The following IRAK1BP1 variants were observed in gnomAD, a reference collection of about 807,000 sequenced individuals.
The protein encoded by IRAK1BP1 is interleukin-1 receptor-associated kinase 1-binding protein 1.
In IRAK1BP1, 24 loss-of-function variants were observed where a neutral mutation model predicts 28.0. The observed-to-expected ratio is 0.86, with a 90% CI of 0.62 to 1.20. The LOEUF is 1.20. Ranked by LOEUF, IRAK1BP1 falls within the 50% of genes most tolerant of loss-of-function variation. The probability of loss-of-function intolerance (pLI) is 0.00; values close to 1 mark genes in which losing one functional copy is unlikely to be tolerated. For synonymous variants in IRAK1BP1, 131 were observed against 116.3 expected (o/e 1.13, Z -0.81); for missense variants, 336 against 316.7 (o/e 1.06, Z -0.46).
downstream of IRAK1BP1, chr6:78,946,689 G>A (rs1454020971): frequency 2.0e-6 from 3 of 1,525,536 alleles, no homozygotes; most frequent in Non-Finnish European, 2.6e-6. Context: ...TCAGCTAGTG[G>A]TATTTAAAAG....
At chr6:78,873,480 T>C (rs1770871352) in intron 1 of IRAK1BP1, among the ~76,000 whole-genome samples, 1 of 151,920 alleles carries the variant, frequency 6.6e-6, no homozygotes, top group Non-Finnish European at 1.5e-5. Context: ...TAAAGCTATA[T>C]AACTTTTTTT....
chr6:78,877,722 G>A (rs556175936), intron 1 of IRAK1BP1, among the ~76,000 whole-genome samples: 16 of 152,190 alleles, frequency 1.1e-4, no homozygotes, highest in African/African-American at 3.1e-4. Context: ...GCAAGGGGTC[G>A]GGGAATTCCC....
chr6:78,932,308 TG>T (rs1773069769), intron 4 of IRAK1BP1, among the ~76,000 whole-genome samples: 1 of 152,128 alleles, frequency 6.6e-6, no homozygotes, highest in Admixed American at 6.6e-5. Flanking sequence ...ACGTTCTTAA[TG>T]GCATCTAGAA....
chr6:78,906,056 C>T (rs1772253639), downstream of IRAK1BP1, among the ~76,000 whole-genome samples: 1 of 152,006 alleles, frequency 6.6e-6, no homozygotes. Flanking sequence ...GCTACACTTC[C>T]AAGAAACATT....
At chr6:78,970,654 G>A in the IRAK1BP1 span, 1 of 638,554 alleles carries the variant, frequency 1.6e-6, no homozygotes, top group East Asian at 2.8e-5. Flanking sequence ...CTCTAGGACT[G>A]CTTCAATTAA....
intron 4 of IRAK1BP1, among the ~76,000 whole-genome samples, chr6:78,931,866 C>A (rs573985413): frequency 1.3e-5 from 2 of 152,142 alleles, no homozygotes; most frequent in African/African-American, 4.8e-5. Flanking sequence ...TTGGACTCTT[C>A]CTTTCGCAAA....
At chr6:78,879,804 T>G (rs1771155889) in intron 1 of IRAK1BP1, among the ~76,000 whole-genome samples, 1 of 152,022 alleles carries the variant, frequency 6.6e-6, no homozygotes. Flanking sequence ...GCAGGGGCAG[T>G]TGACCTACAT....
the IRAK1BP1 span, among the ~76,000 whole-genome samples, chr6:78,966,231 A>T: frequency 6.4e-4 from 97 of 152,350 alleles, 1 homozygote; most frequent in South Asian, 8.1e-3. Context: ...AGAAAAAAGG[A>T]ATTTAGTAAG....
chr6:78,872,092 A>G, intron 1 of IRAK1BP1: 1 of 700,662 alleles, frequency 1.4e-6, no homozygotes, highest in South Asian at 1.5e-5. Context: ...ATGAATGGAA[A>G]GAGACCCCAG....
At chr6:78,970,282 G>C in the IRAK1BP1 span, 17 of 839,538 alleles carry the variant, frequency 2.0e-5, no homozygotes, top group Non-Finnish European at 3.0e-5. Context: ...GATCTGGATG[G>C]TGATGACTGT....
In IRAK1BP1 at chr6:78,897,816, A is replaced by T; in HGVS notation, c.382-13A>T. On this transcript the variant is annotated splice_polypyrimidine_tract_variant and intron_variant, in intron 2 of 3. Transcript: ENST00000369940. ...TCAGACATGAAAATAATATCGTGTC[A>T]TTTCATTTACAGGTCTGCATTACAT... The T allele has an allele frequency of 6.2e-7, 1 of 1,607,746 alleles. No individual in the cohort carries two copies. Among genetic ancestry groups the T allele is most frequent in the Non-Finnish European group, 8.5e-7 (1 of 1,176,534 alleles).
At chr6:78,923,908 C>T (rs1305088134) in intron 4 of IRAK1BP1, among the ~76,000 whole-genome samples, 3 of 152,146 alleles carry the variant, frequency 2.0e-5, no homozygotes, top group Non-Finnish European at 2.9e-5. Flanking sequence ...CTCTGGGGCA[C>T]ATTCAAAGCA....
At chr6:78,928,253 G>T (rs1234023848) in intron 4 of IRAK1BP1, among the ~76,000 whole-genome samples, 1 of 151,820 alleles carries the variant, frequency 6.6e-6, no homozygotes, top group Non-Finnish European at 1.5e-5. Context: ...CAATTCCTAG[G>T]TATTTAATTT....
intron 4 of IRAK1BP1, among the ~76,000 whole-genome samples, chr6:78,944,433 A>T (rs911410637): frequency 6.6e-6 from 1 of 152,226 alleles, no homozygotes; most frequent in Non-Finnish European, 1.5e-5. Flanking sequence ...CAGGAAGACC[A>T]GTTAGGAAAC....
chr6:78,910,523 G>A (rs1772376274), intron 4 of IRAK1BP1, among the ~76,000 whole-genome samples: 3 of 152,232 alleles, frequency 2.0e-5, no homozygotes, highest in East Asian at 3.8e-4. Context: ...ACTGTTTGAC[G>A]AATTATACAA....
the IRAK1BP1 span, among the ~76,000 whole-genome samples, chr6:78,970,411 G>A: frequency 6.6e-6 from 1 of 152,062 alleles, no homozygotes; most frequent in African/African-American, 2.4e-5. Context: ...CTTTACTAAA[G>A]TATAGTTACT....
downstream of IRAK1BP1, among the ~76,000 whole-genome samples, chr6:78,903,339 A>C (rs1421581084): frequency 6.6e-6 from 1 of 152,022 alleles, no homozygotes; most frequent in Non-Finnish European, 1.5e-5. Context: ...AAAAAAAAAA[A>C]AATTAGCTGG....
At chr6:78,874,442 C>CT (rs1356447220) in intron 1 of IRAK1BP1, among the ~76,000 whole-genome samples, 2 of 152,152 alleles carry the variant, frequency 1.3e-5, no homozygotes, top group Non-Finnish European at 2.9e-5. Flanking sequence ...TATTTGTAAT[C>CT]TTCAGATGTT....
chr6:78,898,870 C>G lies in IRAK1BP1; in HGVS notation c.*536C>G, dbSNP rs543699501. ...ATACATAATTTTAAGTGCATCCTGT[C>G]AGGTCTGATATTTAATTTTACTTTA... is the stretch of plus-strand genomic sequence containing the variant. On this transcript the variant is annotated 3_prime_UTR_variant, in exon 4 of 4. Coordinates refer to ENST00000369940, the MANE Select transcript of IRAK1BP1 (RefSeq NM_001010844.4). 1.3e-5 allele frequency: 2 copies of G among 152,088 alleles called. No individual in the cohort carries two copies. Among genetic ancestry groups the G allele is most frequent in the African/African-American group, 2.4e-5 (1 of 41,410 alleles). 9.4% of individuals were successfully genotyped at this position (152,088 alleles called of 1,614,324 possible).
Sources: gnomAD v4.1 joint callset for allele counts (sites outside exome capture counted in the v4.1 genomes callset) on GRCh38, gnomAD v4.1.1 for gene constraint, MANE v1.5 for transcripts, NCBI Gene and HGNC (gene_info 2026-07-23, HGNC 2026-07-21) for gene names.